TRAF2: variants seen among roughly 807,000 people sequenced by gnomAD.
TRAF2 encodes TNF receptor associated factor 2.
Under a neutral mutation model 55.6 loss-of-function variants are expected in TRAF2, and 6 were observed. The observed-to-expected ratio is 0.11, with a 90% CI of 0.06 to 0.21. TRAF2 has a LOEUF of 0.21. TRAF2 is among the 10% of genes least tolerant of loss of function. The probability of loss-of-function intolerance (pLI) is 1.00; values close to 1 mark genes in which losing one functional copy is unlikely to be tolerated. For synonymous variants in TRAF2, 329 were observed against 276.3 expected, an observed-to-expected ratio of 1.19 and a Z score of -1.89; for missense variants, 561 against 684.5, an observed-to-expected ratio of 0.82 and a Z score of 2.01.
intron 7 of TRAF2, among the ~76,000 whole-genome samples, chr9:136,917,855 G>A (rs1312428383): frequency 6.6e-6 from 1 of 152,116 alleles, no homozygotes; most frequent in Non-Finnish European, 1.5e-5. Flanking sequence ...TTCCCGTGCG[G>A]GAGGTTGCGT....
chr9:136,916,113 C>T (rs542500484), intron 6 of TRAF2, among the ~76,000 whole-genome samples: 34 of 152,256 alleles, frequency 2.2e-4, no homozygotes, highest in African/African-American at 7.0e-4. Flanking sequence ...GCACTTGGCC[C>T]CTTTCTGGAT....
intron 4 of TRAF2, among the ~76,000 whole-genome samples, chr9:136,903,273 T>C (rs1849863697): frequency 6.6e-6 from 1 of 152,166 alleles, no homozygotes; most frequent in African/African-American, 2.4e-5. Context: ...TTTAAAACTT[T>C]AGGTAAATGT....
intron 7 of TRAF2, among the ~76,000 whole-genome samples, chr9:136,919,080 A>G (rs1457879201): frequency 6.7e-6 from 1 of 148,368 alleles, no homozygotes; most frequent in Non-Finnish European, 1.5e-5. Context: ...TTATTTTCGA[A>G]ACAGAGTCTC....
chr9:136,918,267 T>G (rs1297831515), intron 7 of TRAF2, among the ~76,000 whole-genome samples: 1 of 11,912 alleles, frequency 8.4e-5, no homozygotes, highest in Non-Finnish European at 1.6e-4. Flanking sequence ...ATTTATTTAA[T>G]TAATTAATTT....
chr9:136,888,604 G>A (rs1190213919), intron 1 of TRAF2, among the ~76,000 whole-genome samples: 1 of 152,192 alleles, frequency 6.6e-6, no homozygotes, highest in Non-Finnish European at 1.5e-5. Flanking sequence ...CGTTTGCGGC[G>A]ACTAGGTGAC....
upstream of TRAF2, among the ~76,000 whole-genome samples, chr9:136,883,763 C>T (rs1393879615): frequency 2.6e-5 from 4 of 151,574 alleles, no homozygotes; most frequent in African/African-American, 9.7e-5. Flanking sequence ...GTGATCCACC[C>T]ACCTCAGCCT....
rs539940285 is a variant in TRAF2 at position 136,922,170 on chromosome 9, C to T, written c.1138+955C>T. On this transcript the variant is annotated intron_variant, in intron 9 of 10. Coordinates refer to ENST00000247668, the MANE Select transcript of TRAF2 (RefSeq NM_021138.4). ...AGACCCAAGCGTCATCTGGAGGGGC[C>T]GCCACATTGTGTGGTGCCTGCTGCC... 3.1e-4 allele frequency among the ~76,000 whole-genome samples: 47 copies of T among 152,348 alleles called. 1 individual carries two copies. The East Asian group carries it at 6.9e-3, about 22-fold the overall frequency.
chr9:136,898,604 G>C, intron 1 of TRAF2, 109 bp from the exon 2 acceptor site: 8 of 1,499,582 alleles, frequency 5.3e-6, no homozygotes, highest in Non-Finnish European at 7.1e-6. Flanking sequence ...CCGCAGGTCA[G>C]TGGGGACCCG....
chr9:136,884,295 A>G (rs796701972), upstream of TRAF2, among the ~76,000 whole-genome samples: 8 of 150,962 alleles, frequency 5.3e-5, no homozygotes, highest in African/African-American at 1.7e-4. Flanking sequence ...GCAGTGGCTC[A>G]TGCCTGTAAT....
intron 4 of TRAF2, among the ~76,000 whole-genome samples, chr9:136,907,011 A>C (rs113337821): frequency 1.4e-4 from 22 of 152,388 alleles, no homozygotes; most frequent in African/African-American, 5.0e-4. Context: ...ACATTCGGGC[A>C]GAGCCCTCAA....
intron 1 of TRAF2, chr9:136,898,436 G>A (rs1418662955): frequency 3.5e-5 from 9 of 253,572 alleles, no homozygotes; most frequent in South Asian, 1.5e-4. Flanking sequence ...AAGCCCGTGC[G>A]TCTGTGTCTC....
chr9:136,917,984 C>G (rs913790465), intron 7 of TRAF2, among the ~76,000 whole-genome samples: 3 of 151,896 alleles, frequency 2.0e-5, no homozygotes, highest in Admixed American at 1.3e-4. Flanking sequence ...GCTCGCTTCC[C>G]GTTTGCACAA....
chr9:136,915,696 G>A (rs928819329), intron 6 of TRAF2, among the ~76,000 whole-genome samples: 9 of 152,168 alleles, frequency 5.9e-5, no homozygotes, highest in Non-Finnish European at 1.2e-4. Context: ...GAGCCTCGAG[G>A]CGGTTCTGAC....
chr9:136,916,735 C>A, intron 7 of TRAF2, 120 bp downstream of exon 7: 2 of 944,684 alleles, frequency 2.1e-6, no homozygotes, highest in South Asian at 1.3e-5. Flanking sequence ...TGCAGCACTG[C>A]CTCCTCCTGC....
intron 10 of TRAF2, 72 bp downstream of exon 10, chr9:136,924,072 G>A: frequency 3.2e-6 from 5 of 1,563,732 alleles, no homozygotes; most frequent in Middle Eastern, 2.3e-4. Context: ...CTTCTGTGGT[G>A]CAGGGTTGTG....
intron 4 of TRAF2, among the ~76,000 whole-genome samples, chr9:136,901,463 A>G (rs1849818563): frequency 6.6e-6 from 1 of 152,188 alleles, no homozygotes; most frequent in Non-Finnish European, 1.5e-5. Context: ...CACACACCCC[A>G]GGGATGAACT....
At chr9:136,882,882 A>C, upstream of TRAF2, 1 of 344,852 alleles carries the variant, frequency 2.9e-6, no homozygotes, top group Non-Finnish European at 4.1e-6. Flanking sequence ...ATCACAATCA[A>C]TATTATTAGA....
upstream of TRAF2, chr9:136,886,035 C>G (rs1458745147): frequency 6.6e-6 from 1 of 152,236 alleles, no homozygotes; most frequent in Admixed American, 6.5e-5. Flanking sequence ...CAGGGCCCCG[C>G]GTCCCGCGCG....
intron 1 of TRAF2, among the ~76,000 whole-genome samples, chr9:136,892,648 G>A (rs1050822283): frequency 9.2e-5 from 14 of 152,280 alleles, no homozygotes; most frequent in Non-Finnish European, 1.9e-4. Flanking sequence ...GGGAGATTGA[G>A]GTGGGCAGAT....
Sources: allele counts gnomAD v4.1 joint callset (sites outside exome capture counted in the v4.1 genomes callset), GRCh38; gene constraint gnomAD v4.1.1; transcripts MANE v1.5; gene names NCBI Gene and HGNC (gene_info 2026-07-23, HGNC 2026-07-21).